ADAMTS17: variants seen among roughly 807,000 people sequenced by gnomAD.
ADAMTS17 encodes the protein ADAM metallopeptidase with thrombospondin type 1 motif 17, also known as A disintegrin and metalloproteinase with thrombospondin motifs 17.
Under a neutral mutation model 141.5 loss-of-function variants are expected in ADAMTS17, and 113 were observed. The observed-to-expected ratio is 0.80, with a 90% CI of 0.69 to 0.93. The LOEUF is 0.93. ADAMTS17 is among the 40% of genes least tolerant of loss of function. The probability of loss-of-function intolerance (pLI) is 0.00; values close to 1 mark genes in which losing one functional copy is unlikely to be tolerated. For synonymous variants in ADAMTS17, 768 were observed against 630.6 expected (o/e 1.22, Z -3.27); for missense variants, 1,659 against 1,517.9 (o/e 1.09, Z -1.54).
At chr15:100,062,048 A>T (rs1480697539) in intron 15 of ADAMTS17, among the ~76,000 whole-genome samples, 1 of 152,192 alleles carries the variant, frequency 6.6e-6, no homozygotes, top group Non-Finnish European at 1.5e-5. Context: ...TGTCACTTTG[A>T]AGCTGCCAAA....
At chr15:100,135,101 G>C (rs1489390718) in intron 10 of ADAMTS17, among the ~76,000 whole-genome samples, 2 of 152,156 alleles carry the variant, frequency 1.3e-5, no homozygotes, top group African/African-American at 2.4e-5. Context: ...TCCATCAGGA[G>C]AAAGAGGAAG....
chr15:100,001,353 CT>C (rs35364890), intron 18 of ADAMTS17, among the ~76,000 whole-genome samples: 73,491 of 142,006 alleles, frequency 0.52, 18,705 homozygotes, highest in Non-Finnish European at 0.58. Context: ...GTCTCTTTTC[CT>C]TTTTTTTTTT....
Position 100,084,938 on chromosome 15 carries a change from C to T in ADAMTS17, c.2137+11418G>A, listed in dbSNP as rs563218796. On this transcript the variant is annotated intron_variant, in intron 15 of 21. Transcript: ENST00000268070. The stretch of plus-strand genomic sequence containing the variant: ...GGAAACGCTAAAAATCGGAGCGCCT[C>T]TCCTCCTCCAAAGGAACACAGCTCC... Among the ~76,000 whole-genome samples the T allele has an allele frequency of 2.0e-4, 30 of 152,318 alleles. No homozygotes were observed. In the East Asian group the frequency reaches 5.2e-3, roughly 26 times the overall value.
At chr15:99,987,016 C>T (rs2141305982) in intron 20 of ADAMTS17, among the ~76,000 whole-genome samples, 1 of 152,280 alleles carries the variant, frequency 6.6e-6, no homozygotes, top group East Asian at 1.9e-4. Flanking sequence ...AGGATGAGGG[C>T]TAGGGGCAGG....
In ADAMTS17 at chr15:99,973,380, G is replaced by A. The variant is rs1210278993; in HGVS notation, c.*1022C>T. The A allele has an allele frequency of 1.1e-5, 1 of 87,732 alleles. No homozygotes were observed. The highest frequency in any genetic ancestry group is 1.0e-4 in the Admixed American group (1 of 9,720). 5.4% of individuals were successfully genotyped at this position (87,732 alleles called of 1,614,324 possible). A position where few individuals can be genotyped will look rare whatever the true frequency, so the allele number is the denominator to read the frequency against. On this transcript the variant is annotated 3_prime_UTR_variant, in exon 22 of 22. Coordinates refer to ENST00000268070, the MANE Select transcript of ADAMTS17 (RefSeq NM_139057.4). ...TCAGGCCTTGCTCTACAGATCCTAG[G>A]CCTGGGCTTGTGTCCTCAGAGGTCC...
At position 100,051,554 on chromosome 15, in the gene ADAMTS17, T is replaced by C. The variant is rs2032145846; in HGVS notation, c.2455+18A>G. The C allele has an allele frequency of 6.8e-6, 11 of 1,612,722 alleles. No homozygotes were observed. Among genetic ancestry groups the C allele is most frequent in the South Asian group, 2.2e-5 (2 of 91,040 alleles). On this transcript the variant is annotated intron_variant, in intron 17 of 21. Coordinates refer to ENST00000268070, the MANE Select transcript of ADAMTS17 (RefSeq NM_139057.4). Reference sequence around the variant, plus strand: ...GCAAAACCCCACACCCAACAGGTCATGGACCACGGCCACTCACCTCCGCCG... The same window carrying C: ...GCAAAACCCCACACCCAACAGGTCACGGACCACGGCCACTCACCTCCGCCG...
intron 7 of ADAMTS17, among the ~76,000 whole-genome samples, chr15:100,240,759 C>G (rs1013652355): frequency 2.0e-5 from 3 of 152,194 alleles, no homozygotes; most frequent in Non-Finnish European, 4.4e-5. Context: ...TCTAATCACC[C>G]CTCTGTGTTC....
At chr15:100,078,554 CA>C (rs140153334) in intron 15 of ADAMTS17, among the ~76,000 whole-genome samples, 23,726 of 151,866 alleles carry the variant, frequency 0.16, 3,581 homozygotes, top group African/African-American at 0.4. Context: ...TCAGACCATA[CA>C]AAAAAATTAA....
chr15:100,171,368 G>A (rs1330500619), intron 8 of ADAMTS17, among the ~76,000 whole-genome samples: 1 of 152,168 alleles, frequency 6.6e-6, no homozygotes, highest in Admixed American at 6.5e-5. Flanking sequence ...TGCCCAGGAG[G>A]CTGGGGTGGG....
intron 7 of ADAMTS17, among the ~76,000 whole-genome samples, chr15:100,241,391 G>A (rs796418639): frequency 2.0e-5 from 3 of 152,304 alleles, no homozygotes; most frequent in African/African-American, 7.2e-5. Context: ...AGTCTTCAAC[G>A]CTTTGAGACC....
At chr15:100,279,243 A>G (rs979706459) in intron 4 of ADAMTS17, among the ~76,000 whole-genome samples, 1 of 152,170 alleles carries the variant, frequency 6.6e-6, no homozygotes, top group African/African-American at 2.4e-5. Flanking sequence ...CCGCACTCTG[A>G]GCCCCTCCCT....
At chr15:100,292,162 G>A (rs202107850) in intron 3 of ADAMTS17, among the ~76,000 whole-genome samples, 5 of 151,102 alleles carry the variant, frequency 3.3e-5, no homozygotes, top group Middle Eastern at 3.2e-3. Context: ...CGCTCACCCC[G>A]TGGGAAACTA....
chr15:100,061,342 G>C (rs1198358853), intron 15 of ADAMTS17, among the ~76,000 whole-genome samples: 2 of 152,182 alleles, frequency 1.3e-5, no homozygotes, highest in African/African-American at 2.4e-5. Flanking sequence ...AGCAGAGCAA[G>C]ACCTTGCAGC....
At chr15:100,144,855 G>A (rs993140574) in intron 10 of ADAMTS17, among the ~76,000 whole-genome samples, 2 of 151,228 alleles carry the variant, frequency 1.3e-5, no homozygotes, top group Admixed American at 6.6e-5. Context: ...TCTTGAGGCA[G>A]GCAAGCTATT....
intron 7 of ADAMTS17, among the ~76,000 whole-genome samples, chr15:100,247,277 CAGAT>C (rs1036183318): frequency 6.6e-6 from 1 of 151,828 alleles, no homozygotes; most frequent in African/African-American, 2.4e-5. Flanking sequence ...GTGGAACAAA[CAGAT>C]AGGAGAGCCC....
chr15:100,239,732 G>A (rs1363074638), intron 7 of ADAMTS17, among the ~76,000 whole-genome samples: 4 of 152,148 alleles, frequency 2.6e-5, no homozygotes, highest in Admixed American at 2.0e-4. Flanking sequence ...CAGAGAGAAG[G>A]GACATGGTGT....
intron 8 of ADAMTS17, among the ~76,000 whole-genome samples, chr15:100,184,544 G>A (rs980751811): frequency 6.6e-6 from 1 of 152,188 alleles, no homozygotes; most frequent in African/African-American, 2.4e-5. Context: ...CGAGGACACT[G>A]GGGCACATGG....
chr15:100,068,092 G>A (rs1182032037), intron 15 of ADAMTS17, among the ~76,000 whole-genome samples: 4 of 152,056 alleles, frequency 2.6e-5, no homozygotes, highest in African/African-American at 4.8e-5. Context: ...CAAACGGCAC[G>A]CCAGGAGATT....
intron 18 of ADAMTS17, among the ~76,000 whole-genome samples, chr15:100,021,255 T>C (rs2061402225): frequency 6.6e-6 from 1 of 152,098 alleles, no homozygotes; most frequent in African/African-American, 2.4e-5. Context: ...ACTCTGCTAG[T>C]CCCCATCACT....
Sources: allele counts gnomAD v4.1 joint callset (sites outside exome capture counted in the v4.1 genomes callset), GRCh38; gene constraint gnomAD v4.1.1; transcripts MANE v1.5; gene names NCBI Gene and HGNC (gene_info 2026-07-23, HGNC 2026-07-21).